GRID2: variants seen among roughly 807,000 people sequenced by gnomAD.
GRID2 encodes glutamate ionotropic receptor delta type subunit 2.
A neutral mutation model predicts 114.8 loss-of-function variants in GRID2; 33 were observed. The ratio of observed to expected loss-of-function variants is 0.29; its 90% CI spans 0.22 to 0.38. GRID2 has a LOEUF of 0.38. GRID2 is among the 10% of genes least tolerant of loss of function. The probability of loss-of-function intolerance (pLI) is 1.00; values close to 1 mark genes in which losing one functional copy is unlikely to be tolerated. For missense variants in GRID2, 1,184 were observed against 1,257.7 expected (o/e 0.94, Z 0.89); for synonymous variants, 505 against 449.9 (o/e 1.12, Z -1.55).
rs144285122 is a variant in GRID2 at position 92,721,714 on chromosome 4, G to C, written c.244+131428G>C. On this transcript the variant is annotated intron_variant, in intron 2 of 15. Coordinates refer to ENST00000282020, the MANE Select transcript of GRID2 (RefSeq NM_001510.4). ...ATACCTTTTTCTGTAAATATTTTGTGGCTGCCTCTTCTTTCCTAAAATAAA... is the reference window on the plus strand; with the variant it reads ...ATACCTTTTTCTGTAAATATTTTGTCGCTGCCTCTTCTTTCCTAAAATAAA... Among the ~76,000 whole-genome samples the C allele has an allele frequency of 1.0e-2, 1,518 of 152,128 alleles. 23 individuals are homozygous for C. Among genetic ancestry groups the C allele is most frequent in the African/African-American group, 0.035 (1,455 of 41,514 alleles).
At chr4:93,249,979 G>A (rs772883335) in intron 8 of GRID2, among the ~76,000 whole-genome samples, 3 of 152,106 alleles carry the variant, frequency 2.0e-5, no homozygotes, top group South Asian at 2.1e-4. Context: ...ATTTGACCCA[G>A]CAATCCCATT....
chr4:92,533,672 A>G (rs1186712970), intron 1 of GRID2, among the ~76,000 whole-genome samples: 1 of 152,148 alleles, frequency 6.6e-6, no homozygotes, highest in African/African-American at 2.4e-5. Flanking sequence ...ATGAAGATGG[A>G]ATATTTTTTA....
At chr4:93,199,730 G>A (rs1272764133) in intron 4 of GRID2, among the ~76,000 whole-genome samples, 1 of 152,188 alleles carries the variant, frequency 6.6e-6, no homozygotes, top group Non-Finnish European at 1.5e-5. Context: ...AGTCCTTTCA[G>A]AATATCCCCA....
chr4:92,623,801 A>C (rs1579707296), intron 2 of GRID2, among the ~76,000 whole-genome samples: 1 of 151,792 alleles, frequency 6.6e-6, no homozygotes, highest in Non-Finnish European at 1.5e-5. Flanking sequence ...TTTTACTTGA[A>C]TGTATTATTC....
chr4:92,780,647 G>C (rs150693613), intron 2 of GRID2, among the ~76,000 whole-genome samples: 1 of 152,136 alleles, frequency 6.6e-6, no homozygotes, highest in Non-Finnish European at 1.5e-5. Context: ...ATGAAGAAAG[G>C]GTGAATATGG....
intron 2 of GRID2, among the ~76,000 whole-genome samples, chr4:92,689,689 T>C (rs982702697): frequency 2.0e-5 from 3 of 152,180 alleles, no homozygotes; most frequent in African/African-American, 7.2e-5. Flanking sequence ...TTAGAAACAT[T>C]GTCTTCCAGG....
At chr4:92,914,367 A>G (rs190589641) in intron 2 of GRID2, among the ~76,000 whole-genome samples, 24 of 152,264 alleles carry the variant, frequency 1.6e-4, no homozygotes, top group Admixed American at 1.4e-3. Flanking sequence ...TTTAAAAGAA[A>G]CATATATCTA....
At chr4:92,655,576 G>T (rs1203100183) in intron 2 of GRID2, among the ~76,000 whole-genome samples, 2 of 151,516 alleles carry the variant, frequency 1.3e-5, no homozygotes, top group Non-Finnish European at 2.9e-5. Context: ...AGTTTTCCTT[G>T]CAGAGATCTT....
chr4:92,397,467 T>C (rs1472041878), intron 1 of GRID2, among the ~76,000 whole-genome samples: 2 of 151,492 alleles, frequency 1.3e-5, no homozygotes, highest in Non-Finnish European at 2.9e-5. Flanking sequence ...AGTCAAAAAA[T>C]ATAATAGAAG....
At chr4:92,862,135 A>G (rs1048828005) in intron 2 of GRID2, among the ~76,000 whole-genome samples, 8 of 152,040 alleles carry the variant, frequency 5.3e-5, no homozygotes, top group African/African-American at 1.7e-4. Flanking sequence ...TACTCTGGAT[A>G]TTTAAAACCT....
chr4:92,583,652 TAATTA>T (rs1183812840), intron 1 of GRID2, among the ~76,000 whole-genome samples: 1 of 148,188 alleles, frequency 6.7e-6, no homozygotes, highest in African/African-American at 2.5e-5. Context: ...GAGCAGATAA[TAATTA>T]TATATATATA....
intron 2 of GRID2, among the ~76,000 whole-genome samples, chr4:93,013,427 A>T (rs1376267174): frequency 5.3e-5 from 8 of 152,024 alleles, no homozygotes; most frequent in Non-Finnish European, 1.2e-4. Flanking sequence ...AAGATTTCAA[A>T]TAAGCCTACA....
chr4:93,200,677 G>T (rs1742009677), intron 4 of GRID2, among the ~76,000 whole-genome samples: 1 of 152,114 alleles, frequency 6.6e-6, no homozygotes, highest in Admixed American at 6.6e-5. Context: ...TTCCTCTGTC[G>T]TGCTCTCTGT....
chr4:92,889,537 T>C (rs1292634782), intron 2 of GRID2, among the ~76,000 whole-genome samples: 4 of 152,038 alleles, frequency 2.6e-5, no homozygotes, highest in African/African-American at 9.7e-5. Flanking sequence ...ACAAAGAGAA[T>C]AAAATATCTA....
At chr4:93,331,632 C>T (rs1396318035) in intron 8 of GRID2, among the ~76,000 whole-genome samples, 5 of 152,040 alleles carry the variant, frequency 3.3e-5, no homozygotes, top group Non-Finnish European at 7.4e-5. Flanking sequence ...CAATAGCAGC[C>T]ATTCAACAAA....
intron 4 of GRID2, among the ~76,000 whole-genome samples, chr4:93,150,874 C>T (rs1736670294): frequency 6.6e-6 from 1 of 151,894 alleles, no homozygotes; most frequent in African/African-American, 2.4e-5. Flanking sequence ...CGCCTGTAAT[C>T]CCAGCACTTT....
intron 1 of GRID2, among the ~76,000 whole-genome samples, chr4:92,326,713 C>T (rs1187966957): frequency 6.6e-6 from 1 of 151,954 alleles, no homozygotes. Flanking sequence ...TAGCAATAAT[C>T]TTAATAATGC....
chr4:92,377,376 C>T (rs1298894765), intron 1 of GRID2, among the ~76,000 whole-genome samples: 2 of 152,148 alleles, frequency 1.3e-5, no homozygotes, highest in South Asian at 2.1e-4. Context: ...GAGACCACCT[C>T]AGCCCAGACT....
intron 8 of GRID2, among the ~76,000 whole-genome samples, chr4:93,337,197 T>C (rs547756627): frequency 1.8e-3 from 274 of 152,320 alleles, no homozygotes; most frequent in African/African-American, 6.3e-3. Flanking sequence ...TTTTTCTTGA[T>C]AATTTGATGG....
Sources: gnomAD v4.1 joint callset for allele counts (sites outside exome capture counted in the v4.1 genomes callset) on GRCh38, gnomAD v4.1.1 for gene constraint, MANE v1.5 for transcripts, NCBI Gene and HGNC (gene_info 2026-07-23, HGNC 2026-07-21) for gene names.